Variants in ANK2 observed in about 807,000 individuals in gnomAD.
ANK2 encodes the protein ankyrin 2.
In ANK2, 83 loss-of-function variants were observed where a neutral mutation model predicts 360.5. That is an observed-to-expected ratio of 0.23 (90% CI 0.19 to 0.28). ANK2 has a LOEUF of 0.28. ANK2 is among the 10% of genes least tolerant of loss of function. The probability of loss-of-function intolerance (pLI) is 1.00; values close to 1 mark genes in which losing one functional copy is unlikely to be tolerated. For synonymous variants in ANK2, 1,740 were observed against 1,759.5 expected, an observed-to-expected ratio of 0.99 and a Z score of 0.28; for missense variants, 4,201 against 4,795.7, an observed-to-expected ratio of 0.88 and a Z score of 3.66.
the ANK2 span, among the ~76,000 whole-genome samples, chr4:112,793,346 A>G: frequency 1.3e-5 from 2 of 152,166 alleles, no homozygotes; most frequent in South Asian, 2.1e-4. Flanking sequence ...TTAAGAAATT[A>G]AGGTTTTAAT....
Position 113,339,158 on chromosome 4 carries a change from A to G in ANK2, c.3797-68A>G, listed in dbSNP as rs2093955990. 1.6e-5 allele frequency: 21 copies of G among 1,353,882 alleles called. No homozygotes were observed. The South Asian group carries it at 2.3e-4, about 15-fold the overall frequency. 83.9% of individuals were successfully genotyped at this position (1,353,882 alleles called of 1,614,324 possible). A position where few individuals can be genotyped will look rare whatever the true frequency, so the allele number is the denominator to read the frequency against. ...TTTGGCTTGTGAACACAGAACCACA[A>G]AGACTTTATTTTAGAATCTAGAGTC... On this transcript the variant is annotated intron_variant, in intron 31 of 45. Coordinates refer to ENST00000357077, the MANE Select transcript of ANK2 (RefSeq NM_001148.6).
chr4:113,064,123 T>G (rs1430511008), intron 1 of ANK2, among the ~76,000 whole-genome samples: 2 of 152,178 alleles, frequency 1.3e-5, no homozygotes, highest in Non-Finnish European at 2.9e-5. Context: ...TACAGTCCAG[T>G]TTAATTGCTG....
intron 2 of ANK2, among the ~76,000 whole-genome samples, chr4:112,936,244 A>G (rs1035760255): frequency 5.9e-5 from 9 of 152,224 alleles, no homozygotes; most frequent in African/African-American, 2.2e-4. Flanking sequence ...TTGGGAAGTT[A>G]AGTGTAAAGA....
chr4:112,886,598 G>C (rs913525250), intron 1 of ANK2, among the ~76,000 whole-genome samples: 1 of 152,094 alleles, frequency 6.6e-6, no homozygotes, highest in African/African-American at 2.4e-5. Context: ...GGAAGTGGAA[G>C]TTGCAGTGAG....
the ANK2 span, among the ~76,000 whole-genome samples, chr4:112,754,671 C>CT: frequency 6.6e-6 from 1 of 152,148 alleles, no homozygotes; most frequent in African/African-American, 2.4e-5. Flanking sequence ...TCTCATGTGG[C>CT]TGCCACCTGC....
At chr4:112,819,131 A>C (rs573956069) in intron 1 of ANK2, among the ~76,000 whole-genome samples, 35 of 152,230 alleles carry the variant, frequency 2.3e-4, no homozygotes, top group African/African-American at 8.4e-4. Flanking sequence ...ATTCAATAAC[A>C]TCTTTCTCTT....
chr4:112,980,401 G>C (rs1044281953), intron 2 of ANK2: 1 of 152,614 alleles, frequency 6.6e-6, no homozygotes, highest in Admixed American at 6.5e-5. Flanking sequence ...ACTCGGTGGG[G>C]TTGGGGCTCC....
At chr4:112,962,744 AG>A (rs2035477891) in intron 2 of ANK2, among the ~76,000 whole-genome samples, 1 of 152,180 alleles carries the variant, frequency 6.6e-6, no homozygotes, top group Non-Finnish European at 1.5e-5. Flanking sequence ...CAGAAGCTAT[AG>A]GGAGAGGACT....
intron 4 of ANK2, among the ~76,000 whole-genome samples, chr4:113,231,218 A>AT (rs935376363): frequency 6.6e-6 from 1 of 151,054 alleles, no homozygotes; most frequent in Non-Finnish European, 1.5e-5. Context: ...CGCCTGGTTA[A>AT]TTTTTTTGTA....
intron 1 of ANK2, among the ~76,000 whole-genome samples, chr4:113,149,874 C>CAAAAAAAAAAAAAAAAAAAAA (rs34667216): frequency 2.5e-4 from 8 of 31,404 alleles, no homozygotes; most frequent in African/African-American, 7.7e-4. Context: ...GACCCTGCCT[C>CAAAAAAAAAAAAAAAAAAAAA]AAAAAAAAAA....
chr4:112,991,415 G>T (rs2046747515), intron 2 of ANK2, among the ~76,000 whole-genome samples: 1 of 152,062 alleles, frequency 6.6e-6, no homozygotes, highest in African/African-American at 2.4e-5. Flanking sequence ...CCACAGATAG[G>T]GTGGCTTAAA....
chr4:112,794,885 A>C, the ANK2 span, among the ~76,000 whole-genome samples: 3 of 152,210 alleles, frequency 2.0e-5, no homozygotes, highest in Non-Finnish European at 4.4e-5. Context: ...GGCAACTGTG[A>C]GCGTAATAGA....
intron 3 of ANK2, 135 bp downstream of exon 3, chr4:113,196,601 C>T: frequency 7.3e-6 from 6 of 818,598 alleles, no homozygotes; most frequent in Non-Finnish European, 1.2e-5. Flanking sequence ...AATCACGGCT[C>T]ACCGAAACCT....
intron 1 of ANK2, among the ~76,000 whole-genome samples, chr4:113,098,088 T>C (rs2091970552): frequency 6.6e-6 from 1 of 151,506 alleles, no homozygotes; most frequent in African/African-American, 2.4e-5. Flanking sequence ...ATTTATAGCA[T>C]TGAATGAATT....
At chr4:113,379,517 A>G (rs886328204) in intron 45 of ANK2, among the ~76,000 whole-genome samples, 1 of 152,192 alleles carries the variant, frequency 6.6e-6, no homozygotes, top group Admixed American at 6.5e-5. Context: ...GAAATGTCCT[A>G]TAATGGAGGC....
the ANK2 span, among the ~76,000 whole-genome samples, chr4:112,811,015 A>G: frequency 4.7e-5 from 7 of 149,766 alleles, no homozygotes; most frequent in Admixed American, 4.7e-4. Flanking sequence ...GGCCCACTGC[A>G]AGCTCCGCCT....
chr4:113,049,880 A>G, intron 1 of ANK2, 68 bp downstream of exon 1: 2 of 1,558,428 alleles, frequency 1.3e-6, no homozygotes, highest in South Asian at 1.1e-5. Flanking sequence ...AGTGTGTAAT[A>G]TCAGCAAGGC....
chr4:113,366,999 T>G (rs545525580), intron 41 of ANK2, among the ~76,000 whole-genome samples: 1 of 152,308 alleles, frequency 6.6e-6, no homozygotes, highest in African/African-American at 2.4e-5. Context: ...GACTCCTCAT[T>G]TCCCTGGATA....
At chr4:113,120,818 C>G (rs936615420) in intron 1 of ANK2, among the ~76,000 whole-genome samples, 6 of 152,010 alleles carry the variant, frequency 3.9e-5, no homozygotes. Context: ...TCCATGTGTT[C>G]TCATCATTTA....
Sources: gnomAD v4.1 joint callset for allele counts (sites outside exome capture counted in the v4.1 genomes callset) on GRCh38, gnomAD v4.1.1 for gene constraint, MANE v1.5 for transcripts, NCBI Gene and HGNC (gene_info 2026-07-23, HGNC 2026-07-21) for gene names.